ARMCX4: variants seen among roughly 807,000 people sequenced by gnomAD.
The protein encoded by ARMCX4 is armadillo repeat containing X-linked 4.
ARMCX4 carries 3 observed loss-of-function variants against 34.7 expected under a neutral mutation model. That is an observed-to-expected ratio of 0.09 (90% CI 0.04 to 0.22). ARMCX4 has a LOEUF of 0.22. Among genes scored for constraint, ARMCX4 ranks in the 10% least tolerant of loss-of-function variants. ARMCX4 has a pLI of 1.00. For synonymous variants in ARMCX4, 513 were observed against 632.8 expected (o/e 0.81, Z 2.84); for missense variants, 1,448 against 1,720.8 (o/e 0.84, Z 2.81).
chrX:101,515,076 G>A (rs183239934), intron 11 of ARMCX4, among the ~76,000 whole-genome samples: 44 of 111,545 alleles, frequency 3.9e-4, no homozygotes, highest in Non-Finnish European at 6.4e-4. Context: ...CATTTATACA[G>A]TACTTGTGTT....
intron 2 of ARMCX4, among the ~76,000 whole-genome samples, chrX:101,422,165 G>A (rs182091283): frequency 0.017 from 1,793 of 108,267 alleles, 40 homozygotes; most frequent in African/African-American, 0.057. Flanking sequence ...ACAGGTGCCC[G>A]CCACTATGCC....
At chrX:101,462,543 G>A (rs1820456240) in intron 4 of ARMCX4, among the ~76,000 whole-genome samples, 2 of 107,207 alleles carry the variant, frequency 1.9e-5, no homozygotes, top group Admixed American at 2.0e-4. Flanking sequence ...CGGAGGCTGA[G>A]GCAGGAGAAT....
At chrX:101,507,340 G>A (rs188626454) in intron 8 of ARMCX4, among the ~76,000 whole-genome samples, 2 of 111,575 alleles carry the variant, frequency 1.8e-5, no homozygotes, top group Admixed American at 1.9e-4. Context: ...ATGGGAAATG[G>A]CATATCTCAT....
intron 2 of ARMCX4, among the ~76,000 whole-genome samples, chrX:101,428,570 C>T (rs1472377313): frequency 2.7e-5 from 3 of 112,165 alleles, no homozygotes; most frequent in African/African-American, 9.7e-5. Flanking sequence ...TGTCAGTCTC[C>T]TTTCCCTTTC....
At chrX:101,469,460 C>T (rs1340265607) in intron 4 of ARMCX4, among the ~76,000 whole-genome samples, 1 of 111,451 alleles carries the variant, frequency 9.0e-6, no homozygotes, top group Non-Finnish European at 1.9e-5. Flanking sequence ...TACCCTCTAA[C>T]AATATTTCTA....
downstream of ARMCX4, among the ~76,000 whole-genome samples, chrX:101,451,504 T>G (rs1405055025): frequency 8.9e-6 from 1 of 112,045 alleles, no homozygotes; most frequent in African/African-American, 3.2e-5. Context: ...AGTGCCTCTT[T>G]CAGGGATATG....
intron 11 of ARMCX4, among the ~76,000 whole-genome samples, chrX:101,527,394 C>T (rs1324168985): frequency 4.5e-5 from 5 of 111,202 alleles, no homozygotes; most frequent in African/African-American, 1.3e-4. Context: ...GATCTAAAAT[C>T]GACACCCTAA....
chrX:101,465,640 G>A (rs1556001871), intron 4 of ARMCX4, among the ~76,000 whole-genome samples: 1 of 111,617 alleles, frequency 9.0e-6, no homozygotes, highest in Non-Finnish European at 1.9e-5. Context: ...CTCAGTATTG[G>A]TAAAATAAGA....
intron 2 of ARMCX4, among the ~76,000 whole-genome samples, chrX:101,486,484 G>T (rs1327269156): frequency 2.7e-5 from 3 of 110,628 alleles, no homozygotes; most frequent in Non-Finnish European, 5.7e-5. Flanking sequence ...GTGGACAGCA[G>T]TAGGTTGTGG....
At chrX:101,453,826 T>C (rs1043437508) in intron 4 of ARMCX4, among the ~76,000 whole-genome samples, 7 of 110,246 alleles carry the variant, frequency 6.3e-5, no homozygotes, top group Non-Finnish European at 1.3e-4. Flanking sequence ...TGATGTTAAT[T>C]ATAAGAGGAT....
chrX:101,434,312 G>A (rs1185779138), intron 2 of ARMCX4, among the ~76,000 whole-genome samples: 1 of 103,920 alleles, frequency 9.6e-6, no homozygotes, highest in Non-Finnish European at 2.0e-5. Context: ...GGAGGGCAGT[G>A]GCATGATCTC....
At chrX:101,531,148 C>T (rs1048056103) in intron 11 of ARMCX4, among the ~76,000 whole-genome samples, 3 of 111,901 alleles carry the variant, frequency 2.7e-5, no homozygotes, top group African/African-American at 9.7e-5. Context: ...CTGCCTGATT[C>T]TATTGTCACA....
intron 2 of ARMCX4, among the ~76,000 whole-genome samples, chrX:101,431,569 A>G (rs1555991962): frequency 9.0e-6 from 1 of 111,146 alleles, no homozygotes; most frequent in Admixed American, 9.5e-5. Context: ...TTTGAGACAG[A>G]GTCTCGCTCT....
chrX:101,451,361 A>C (rs1424669781), downstream of ARMCX4, among the ~76,000 whole-genome samples: 6 of 111,437 alleles, frequency 5.4e-5, no homozygotes, highest in Non-Finnish European at 1.1e-4. Flanking sequence ...ACTGAGTTCA[A>C]TGCTAAGTCT....
rs1364134837 is a variant in ARMCX4, at chrX:101,530,390, G to T, written c.*1781-1254G>T. Among the ~76,000 whole-genome samples the T allele has an allele frequency of 1.4e-4, 16 of 111,296 alleles. No homozygotes were observed. The Admixed American group carries it at 1.5e-3, about 11-fold the overall frequency. ...AGGAGAAATACCTAATGTAAATGAT[G>T]AATTAATGGGTGCAGCAAACCAACA... On this transcript the variant is annotated intron_variant and NMD_transcript_variant, in intron 11 of 12. Transcript: ENST00000354842.
chrX:101,500,792 T>C (rs782684768), downstream of ARMCX4, among the ~76,000 whole-genome samples: 1 of 112,339 alleles, frequency 8.9e-6, no homozygotes, highest in East Asian at 2.8e-4. Flanking sequence ...CTAACTATCA[T>C]GTCCTCTGTC....
chrX:101,524,856 C>T (rs1934930373), intron 11 of ARMCX4, among the ~76,000 whole-genome samples: 1 of 112,036 alleles, frequency 8.9e-6, no homozygotes, highest in Non-Finnish European at 1.9e-5. Flanking sequence ...GTAGAATCCA[C>T]CTCTGGGGGC....
chrX:101,470,698 C>T (rs1475274708), intron 4 of ARMCX4, among the ~76,000 whole-genome samples: 1 of 111,966 alleles, frequency 8.9e-6, no homozygotes, highest in African/African-American at 3.2e-5. Flanking sequence ...TAGTATTCTA[C>T]TGTATATAGG....
chrX:101,476,567 C>T (rs1237784415), intron 4 of ARMCX4, among the ~76,000 whole-genome samples: 2 of 110,773 alleles, frequency 1.8e-5, no homozygotes, highest in South Asian at 7.6e-4. Context: ...AGTCCCCACA[C>T]CGAATCCAAA....
Sources: gnomAD v4.1 joint callset for allele counts (sites outside exome capture counted in the v4.1 genomes callset) on GRCh38, gnomAD v4.1.1 for gene constraint, MANE v1.5 for transcripts, NCBI Gene and HGNC (gene_info 2026-07-23, HGNC 2026-07-21) for gene names.